The following ANK3 variants were observed in gnomAD, a reference collection of about 807,000 sequenced individuals.
ANK3 encodes the protein ankyrin-3.
Under a neutral mutation model 370.9 loss-of-function variants are expected in ANK3, and 57 were observed. The ratio of observed to expected loss-of-function variants is 0.15; its 90% confidence interval spans 0.12 to 0.19. ANK3 has a LOEUF of 0.19. Ranked by LOEUF, ANK3 falls within the 10% of genes least tolerant of loss-of-function variation. ANK3 has a pLI of 1.00. For synonymous variants in ANK3, 1,929 were observed against 1,946.3 expected (o/e 0.99, Z 0.23); for missense variants, 4,439 against 5,302.1 (o/e 0.84, Z 5.06).
chr10:60,303,872 A>G (rs929459952), intron 1 of ANK3, among the ~76,000 whole-genome samples: 1 of 135,270 alleles, frequency 7.4e-6, no homozygotes, highest in Non-Finnish European at 1.6e-5. Context: ...AATGTGGTGT[A>G]TATATGTGTG....
intron 25 of ANK3, among the ~76,000 whole-genome samples, chr10:60,123,857 C>G (rs1017688690): frequency 6.6e-6 from 1 of 152,226 alleles, no homozygotes; most frequent in Non-Finnish European, 1.5e-5. Context: ...GATAACTTCA[C>G]TCTACGGCCA....
At chr10:60,120,759 A>G (rs953731428) in intron 25 of ANK3, among the ~76,000 whole-genome samples, 4 of 152,216 alleles carry the variant, frequency 2.6e-5, no homozygotes, top group Non-Finnish European at 5.9e-5. Flanking sequence ...TTAAATCCAA[A>G]CCAGAATGAG....
At chr10:60,256,387 G>T (rs2097735452) in intron 7 of ANK3, among the ~76,000 whole-genome samples, 1 of 152,182 alleles carries the variant, frequency 6.6e-6, no homozygotes, top group Admixed American at 6.5e-5. Flanking sequence ...ATTTAGAAAA[G>T]AAATCCCCCA....
At chr10:60,479,163 AT>A (rs2075147152) in intron 2 of ANK3, among the ~76,000 whole-genome samples, 1 of 152,072 alleles carries the variant, frequency 6.6e-6, no homozygotes, top group Admixed American at 6.6e-5. Flanking sequence ...CAACTGAATG[AT>A]TTTTTTCCTT....
At chr10:60,142,963 G>C (rs761013983) in intron 23 of ANK3, among the ~76,000 whole-genome samples, 24 of 152,004 alleles carry the variant, frequency 1.6e-4, no homozygotes, top group Non-Finnish European at 2.8e-4. Flanking sequence ...ATAAAACTGG[G>C]GGTAATAAGT....
rs1425547537 is a variant in ANK3, at chr10:60,685,162, G to T, written c.57+48101C>A. 2.7e-5 allele frequency: 15 copies of T among 558,504 alleles called. 1 individual carries two copies. The highest frequency in any genetic ancestry group is 7.7e-4 in the Middle Eastern group (2 of 2,600). 34.6% of individuals were successfully genotyped at this position (558,504 alleles called of 1,614,324 possible). ...TGGAAAAGTGTCTACAGCCTGGTTT[G>T]CCTGTCTGCCCTCCTGGATGCTATT... On this transcript the variant is annotated intron_variant, in intron 1 of 43. Coordinates refer to the ANK3 transcript ENST00000373827.
chr10:60,370,057 C>T (rs1409039393), intron 1 of ANK3, among the ~76,000 whole-genome samples: 1 of 152,120 alleles, frequency 6.6e-6, no homozygotes, highest in Non-Finnish European at 1.5e-5. Flanking sequence ...CAGCCAAGTG[C>T]ATTTTAATGT....
At chr10:60,409,801 C>T (rs956346274) in intron 2 of ANK3, among the ~76,000 whole-genome samples, 4 of 152,168 alleles carry the variant, frequency 2.6e-5, no homozygotes, top group East Asian at 1.9e-4. Context: ...TGTCTTCCCT[C>T]GGAAGTATCA....
At chr10:60,436,271 T>C (rs1376278799) in intron 2 of ANK3, among the ~76,000 whole-genome samples, 1 of 152,252 alleles carries the variant, frequency 6.6e-6, no homozygotes, top group East Asian at 1.9e-4. Flanking sequence ...AATGCTGCTA[T>C]GAACATTTGT....
chr10:60,039,509 AATTTACGAC>A (rs1319084933), intron 43 of ANK3, among the ~76,000 whole-genome samples: 9 of 152,180 alleles, frequency 5.9e-5, no homozygotes, highest in African/African-American at 2.2e-4. Flanking sequence ...AGTAAGAAGA[AATTTACGAC>A]AGGTTGCTTT....
intron 2 of ANK3, among the ~76,000 whole-genome samples, chr10:60,608,648 G>T (rs1332567118): frequency 1.3e-5 from 2 of 152,158 alleles, no homozygotes; most frequent in East Asian, 3.8e-4. Flanking sequence ...CATGCACAAT[G>T]TGAGTTTGTG....
At chr10:60,249,294 T>A (rs182237346) in intron 7 of ANK3, among the ~76,000 whole-genome samples, 8 of 152,328 alleles carry the variant, frequency 5.3e-5, no homozygotes, top group African/African-American at 1.9e-4. Flanking sequence ...ATATTAGATT[T>A]CCTGAAATGT....
chr10:60,261,313 C>T (rs111888074), intron 7 of ANK3, among the ~76,000 whole-genome samples: 12 of 152,240 alleles, frequency 7.9e-5, no homozygotes, highest in African/African-American at 2.4e-4. Flanking sequence ...GTGCAGTGGG[C>T]CATATGACAT....
intron 2 of ANK3, among the ~76,000 whole-genome samples, chr10:60,533,731 T>G (rs1258675241): frequency 6.6e-6 from 1 of 152,156 alleles, no homozygotes; most frequent in African/African-American, 2.4e-5. Flanking sequence ...AATATAAGAT[T>G]AGCTGGTAGA....
intron 39 of ANK3, among the ~76,000 whole-genome samples, chr10:60,063,864 C>G (rs541646166): frequency 6.6e-6 from 1 of 152,330 alleles, no homozygotes; most frequent in South Asian, 2.1e-4. Flanking sequence ...GATTTAACAA[C>G]TAAAATTATG....
Position 60,715,938 on chromosome 10 carries a change from T to C in ANK3, c.57+17325A>G, listed in dbSNP as rs113849498. 4.3e-3 allele frequency among the ~76,000 whole-genome samples: 661 copies of C among 152,124 alleles called. 1 individual carries two copies. The highest frequency in any genetic ancestry group is 0.015 in the African/African-American group (619 of 41,492). On this transcript the variant is annotated intron_variant, in intron 1 of 43. Transcript: ENST00000373827. ...AAATATTAAATGTGTATGTACAAAT[T>C]AAGGTAAATCTAGCTTCAACACTAG...
intron 1 of ANK3, among the ~76,000 whole-genome samples, chr10:60,385,297 C>T (rs1035005823): frequency 4.6e-5 from 7 of 151,802 alleles, no homozygotes; most frequent in Non-Finnish European, 7.4e-5. Flanking sequence ...TGTTCTTCTG[C>T]TTGACTATCT....
chr10:60,629,778 C>A (rs1004314301), intron 1 of ANK3, among the ~76,000 whole-genome samples: 2 of 152,004 alleles, frequency 1.3e-5, no homozygotes, highest in Non-Finnish European at 2.9e-5. Context: ...TTTAAAGAAT[C>A]TACATCAATA....
intron 2 of ANK3, among the ~76,000 whole-genome samples, chr10:60,569,267 G>T (rs533894493): frequency 6.6e-6 from 1 of 152,126 alleles, no homozygotes; most frequent in Admixed American, 6.5e-5. Context: ...TTCGAGGTTA[G>T]GTGTTATCAT....
Sources: allele counts gnomAD v4.1 joint callset (sites outside exome capture counted in the v4.1 genomes callset), GRCh38; gene constraint gnomAD v4.1.1; transcripts MANE v1.5; gene names NCBI Gene and HGNC (gene_info 2026-07-23, HGNC 2026-07-21).